STPG2: variants seen among roughly 807,000 people sequenced by gnomAD.
STPG2 encodes sperm-tail PG-rich repeat-containing protein 2.
A neutral mutation model predicts 54.2 loss-of-function variants in STPG2; 56 were observed. That is an observed-to-expected ratio of 1.03 (90% CI 0.83 to 1.29). The LOEUF is 1.29. STPG2 is among the 50% of genes most tolerant of loss of function. STPG2 has a pLI of 0.00. For missense variants in STPG2, 596 were observed against 544.9 expected (o/e 1.09, Z -0.93); for synonymous variants, 200 against 181.8 (o/e 1.10, Z -0.81).
At chr4:97,795,427 A>T (rs370537602) in intron 9 of STPG2, among the ~76,000 whole-genome samples, 1 of 152,092 alleles carries the variant, frequency 6.6e-6, no homozygotes, top group Non-Finnish European at 1.5e-5. Flanking sequence ...ATTCCCACCT[A>T]TAAGTGAGAA....
intron 7 of STPG2, among the ~76,000 whole-genome samples, chr4:97,964,935 A>C (rs1734034708): frequency 6.6e-6 from 1 of 152,200 alleles, no homozygotes; most frequent in Non-Finnish European, 1.5e-5. Context: ...GGCAGAAGGC[A>C]GGTGACTTCT....
At chr4:97,736,444 C>T (rs1223163342) in intron 9 of STPG2, among the ~76,000 whole-genome samples, 1 of 152,164 alleles carries the variant, frequency 6.6e-6, no homozygotes, top group Non-Finnish European at 1.5e-5. Flanking sequence ...TCAGGGAGTT[C>T]CCTTTCCTAG....
chr4:97,639,509 T>TAA (rs74397502), intron 10 of STPG2, among the ~76,000 whole-genome samples: 1 of 139,188 alleles, frequency 7.2e-6, no homozygotes, highest in Admixed American at 7.2e-5. Flanking sequence ...AAAAATAAAT[T>TAA]AAAAAAAAAA....
intron 3 of STPG2, among the ~76,000 whole-genome samples, chr4:98,127,315 T>C (rs1273548293): frequency 1.3e-5 from 2 of 152,158 alleles, no homozygotes; most frequent in Non-Finnish European, 2.9e-5. Flanking sequence ...TTGAAATAAG[T>C]TACAATTAAA....
At chr4:97,538,130 A>C (rs1332023662) in intron 4 of STPG2, among the ~76,000 whole-genome samples, 1 of 152,246 alleles carries the variant, frequency 6.6e-6, no homozygotes, top group African/African-American at 2.4e-5. Flanking sequence ...TCTAAAAATC[A>C]GATTGCCTCT....
chr4:97,995,170 A>AC (rs758426062), intron 5 of STPG2, among the ~76,000 whole-genome samples: 47 of 38,756 alleles, frequency 1.2e-3, no homozygotes, highest in East Asian at 4.9e-3. Context: ...TTGCCCCCTC[A>AC]CCCCCCCACC....
intron 9 of STPG2, among the ~76,000 whole-genome samples, chr4:97,751,361 C>G: frequency 6.6e-6 from 1 of 151,732 alleles, no homozygotes; most frequent in East Asian, 1.9e-4. Flanking sequence ...AGTGAATCAC[C>G]AGTATTGAAA....
At position 97,776,069 on chromosome 4, in the gene STPG2, A is replaced by G. The variant is rs1030956952; in HGVS notation, c.1205-63255T>C. 9.9e-5 allele frequency among the ~76,000 whole-genome samples: 15 copies of G among 152,018 alleles called. 1 individual carries two copies. Among genetic ancestry groups the G allele is most frequent in the Non-Finnish European group, 2.1e-4 (14 of 67,986 alleles). On this transcript the variant is annotated intron_variant, in intron 9 of 10. Transcript: ENST00000295268. ...GAGCTACTGCATCCAGCTAATTATT[A>G]CTGTTTTAAAATATGCAAAATATCA...
chr4:97,760,163 C>T (rs1158080819), intron 9 of STPG2, among the ~76,000 whole-genome samples: 1 of 152,210 alleles, frequency 6.6e-6, no homozygotes, highest in African/African-American at 2.4e-5. Context: ...AAGCTTTTTT[C>T]ACAATTTATT....
chr4:97,452,557 G>C (rs1306640536), intron 4 of STPG2, among the ~76,000 whole-genome samples: 2 of 152,198 alleles, frequency 1.3e-5, no homozygotes, highest in South Asian at 2.1e-4. Flanking sequence ...GGCTCAGCCA[G>C]AGCTGAGCAG....
chr4:97,677,196 T>A (rs1160818139), intron 10 of STPG2, among the ~76,000 whole-genome samples: 1 of 152,194 alleles, frequency 6.6e-6, no homozygotes, highest in Non-Finnish European at 1.5e-5. Context: ...TCTTTGAAAC[T>A]GAAGATTGTT....
intron 5 of STPG2, among the ~76,000 whole-genome samples, chr4:98,098,434 A>C (rs1738926039): frequency 6.6e-6 from 1 of 152,280 alleles, no homozygotes; most frequent in East Asian, 1.9e-4. Context: ...GAAGGATGAA[A>C]CTAGACCTCT....
chr4:98,115,949 TTAAC>T (rs1246103473), intron 3 of STPG2, among the ~76,000 whole-genome samples: 1 of 148,636 alleles, frequency 6.7e-6, no homozygotes, highest in Non-Finnish European at 1.5e-5. Flanking sequence ...AACTATGTCT[TTAAC>T]TGATACAGAA....
At chr4:97,740,802 C>T (rs1171955340) in intron 9 of STPG2, among the ~76,000 whole-genome samples, 3 of 151,950 alleles carry the variant, frequency 2.0e-5, no homozygotes, top group East Asian at 1.9e-4. Context: ...GTAATTTATA[C>T]ATTCAATGCC....
intron 9 of STPG2, among the ~76,000 whole-genome samples, chr4:97,746,778 T>C (rs1324651383): frequency 6.6e-6 from 1 of 151,268 alleles, no homozygotes; most frequent in Admixed American, 6.6e-5. Flanking sequence ...TTCAGCTCTC[T>C]GTGCACCTCG....
intron 4 of STPG2, among the ~76,000 whole-genome samples, chr4:97,542,744 G>A (rs1350071864): frequency 1.3e-5 from 2 of 152,126 alleles, no homozygotes; most frequent in African/African-American, 4.8e-5. Context: ...TGATAGACTG[G>A]ATTAAGAAAA....
chr4:97,542,970 G>A (rs1164410829), intron 4 of STPG2, among the ~76,000 whole-genome samples: 2 of 151,996 alleles, frequency 1.3e-5, no homozygotes, highest in African/African-American at 2.4e-5. Context: ...ACCAGGGCCT[G>A]TTGTGGGGTG....
In STPG2 at chr4:97,796,073, T is replaced by A. The variant is rs187141148; in HGVS notation, c.1204+44700A>T. The stretch of plus-strand genomic sequence containing the variant: ...TTTGTTTTTTTCTTGTAAATTTGTT[T>A]GAGTTCTTTGTAGATTCTGGATATT... On this transcript the variant is annotated intron_variant, in intron 9 of 10. Coordinates refer to ENST00000295268, the MANE Select transcript of STPG2 (RefSeq NM_174952.3). Among the ~76,000 whole-genome samples, 306 of 152,350 alleles carry A rather than the reference T, an allele frequency of 2.0e-3. 3 individuals carry two copies. Among genetic ancestry groups the A allele is most frequent in the African/African-American group, 7.1e-3 (295 of 41,592 alleles).
chr4:97,619,594 A>G (rs1030603790), intron 10 of STPG2, among the ~76,000 whole-genome samples: 5 of 151,280 alleles, frequency 3.3e-5, no homozygotes, highest in Admixed American at 6.6e-5. Flanking sequence ...GATAAAAACA[A>G]TTGTACCCTG....
Sources: allele counts gnomAD v4.1 joint callset (sites outside exome capture counted in the v4.1 genomes callset), GRCh38; gene constraint gnomAD v4.1.1; transcripts MANE v1.5; gene names NCBI Gene and HGNC (gene_info 2026-07-23, HGNC 2026-07-21).